ZER1: variants seen among roughly 807,000 people sequenced by gnomAD.
The protein encoded by ZER1 is protein zer-1 homolog.
ZER1 carries 11 observed loss-of-function variants against 78.8 expected under a neutral mutation model. That is an observed-to-expected ratio of 0.14 (90% CI 0.09 to 0.23). ZER1 has a LOEUF of 0.23. Among genes scored for constraint, ZER1 ranks in the 10% least tolerant of loss-of-function variants. The pLI is 1.00. For missense variants in ZER1, 588 were observed against 996.9 expected (o/e 0.59, Z 5.52); for synonymous variants, 400 against 407.0 (o/e 0.98, Z 0.21).
chr9:128,758,829 T>G (rs1444621689), intron 1 of ZER1, among the ~76,000 whole-genome samples: 1 of 152,100 alleles, frequency 6.6e-6, no homozygotes, highest in African/African-American at 2.4e-5. Context: ...GAATCTCATC[T>G]GTGGTGGGAG....
In ZER1 at chr9:128,753,367, G is replaced by A. The variant is rs1863748938; in HGVS notation, c.543C>T (p.Asn181=). ...FEGFSRLRFL[N]LGRMIDWVPV... ...GGACCCAATCAATCATGCGGCCCAA[G>A]TTGAGGAAGCGGAGGCGGCTGAAGC... is the stretch of plus-strand genomic sequence containing the variant. Residue 181 remains asparagine (N), a synonymous_variant, in exon 4 of 16, where the codon AAC becomes AAT. Transcript: ENST00000291900. The surrounding 1 kb of genome is among the most constrained non-coding windows in gnomAD (Gnocchi z 7.5). 3 of 1,613,804 alleles carry A rather than the reference G, an allele frequency of 1.9e-6. No individual in the cohort carries two copies. The highest frequency in any genetic ancestry group is 3.3e-5 in the Admixed American group (2 of 59,972).
At chr9:128,750,905 C>T in intron 7 of ZER1, 116 bp from the exon 8 acceptor site, 2 of 1,483,386 alleles carry the variant, frequency 1.3e-6, no homozygotes, top group South Asian at 2.5e-5. Flanking sequence ...TCTCTAAAGG[C>T]AGAAGTGGGG....
chr9:128,755,309 C>T lies in ZER1; in HGVS notation c.158+99G>A. ...CACACACACACCCTCACACATTCAT[C>T]TCCATAGCTACTCCCCACATAGTGC... On this transcript the variant is annotated intron_variant, in intron 2 of 15. Transcript: ENST00000291900. The surrounding 1 kb of genome is among the most constrained non-coding windows in gnomAD (Gnocchi z 5.6). The T allele has an allele frequency of 6.6e-7, 1 of 1,516,430 alleles. No individual in the cohort carries two copies. Among genetic ancestry groups the T allele is most frequent in the Non-Finnish European group, 9.0e-7 (1 of 1,106,960 alleles). The allele number at this position is 1,516,430 out of a possible 1,614,324, so 93.9% of individuals were successfully genotyped here. A position where few individuals can be genotyped will look rare whatever the true frequency, so the allele number is the denominator to read the frequency against.
intron 13 of ZER1, among the ~76,000 whole-genome samples, chr9:128,736,397 GTT>G (rs753097804): frequency 8.1e-6 from 1 of 122,850 alleles, no homozygotes. Context: ...TTTTTTCTTT[GTT>G]TTTTTTTTTT....
intron 9 of ZER1, among the ~76,000 whole-genome samples, chr9:128,742,187 A>G (rs142180870): frequency 3.9e-5 from 6 of 152,298 alleles, no homozygotes; most frequent in East Asian, 1.9e-4. Flanking sequence ...GATATTTATC[A>G]TCTCCCCACT....
intron 8 of ZER1, among the ~76,000 whole-genome samples, chr9:128,745,046 T>C (rs1189258322): frequency 6.6e-6 from 1 of 152,152 alleles, no homozygotes; most frequent in Non-Finnish European, 1.5e-5. Flanking sequence ...AAGATGTACA[T>C]GTCTTCAACC....
intron 10 of ZER1, 50 bp downstream of exon 10, chr9:128,741,750 C>T: frequency 1.2e-6 from 2 of 1,614,092 alleles, no homozygotes; most frequent in Non-Finnish European, 1.7e-6. Context: ...AGCCCAGGCC[C>T]CTTGCGAGGT....
rs759983491 is a variant in ZER1 at position 128,741,585 on chromosome 9, C to T, written c.1687G>A (p.Glu563Lys). ...ATGCCGTTGAAATTGAGGAACATCT[C>T]GCAGTTGTCAGGAGTTTCATCTGTG... ...NITDETPDNCEMFLNFNGMKL... is the reference protein window; with the variant it reads ...NITDETPDNCKMFLNFNGMKL... The change falls in exon 11 of 16, where the codon GAG becomes AAG. Residue 563 changes from glutamate to lysine, a missense_variant. Glu to Lys is a moderately conservative substitution (Grantham distance 56). This residue lies in a region of ZER1 where 60 missense variants were observed against 163.3 expected (regional missense o/e 0.37). Coordinates refer to ENST00000291900, the MANE Select transcript of ZER1 (RefSeq NM_006336.4). 3.7e-6 allele frequency: 6 copies of T among 1,614,020 alleles called. No individual in the cohort carries two copies. Among genetic ancestry groups the T allele is most frequent in the Admixed American group, 1.7e-5 (1 of 59,992 alleles).
intron 14 of ZER1, 113 bp downstream of exon 14, chr9:128,735,221 G>T: frequency 1.0e-6 from 1 of 975,850 alleles, no homozygotes; most frequent in Non-Finnish European, 1.5e-6. Flanking sequence ...CTGCTCTGAG[G>T]CACAAAAGCT....
Position 128,753,499 on chromosome 9 carries a change from G to T in ZER1, c.411C>A (p.Phe137Leu). The T allele has an allele frequency of 6.2e-7, 1 of 1,614,124 alleles. No homozygotes were observed. The highest frequency in any genetic ancestry group is 8.5e-7 in the Non-Finnish European group (1 of 1,180,022). The change falls in exon 4 of 16, where the codon TTC (phenylalanine) becomes TTA (leucine). Residue 137 changes from phenylalanine to leucine, a missense_variant. Phe to Leu is a conservative substitution (Grantham distance 22, BLOSUM62 0). Coordinates refer to ENST00000291900, the MANE Select transcript of ZER1 (RefSeq NM_006336.4). The surrounding 1 kb of genome is among the most constrained non-coding windows in gnomAD (Gnocchi z 7.5). ...FSHTLVSLSL[F>L]GCTNIFYEEE... ...CCTCATAGAAAATGTTTGTACAGCC[G>T]AAGAGGCTCAAGGACACCAGGGTGT... is the stretch of plus-strand genomic sequence containing the variant.
chr9:128,767,705 C>T (rs1255904556), intron 1 of ZER1, among the ~76,000 whole-genome samples: 1 of 152,204 alleles, frequency 6.6e-6, no homozygotes, highest in Non-Finnish European at 1.5e-5. Context: ...GACCATTTCT[C>T]CAACCTCAGC....
chr9:128,753,754 G>C lies in ZER1; in HGVS notation c.309+55C>G. ...GGGATGGCTGGGCTGGAGGCGAGCA[G>C]CCTGGCCCCTGCTTGGTGTGGGCCC... On this transcript the variant is annotated intron_variant, in intron 3 of 15. Coordinates refer to ENST00000291900, the MANE Select transcript of ZER1 (RefSeq NM_006336.4). This position sits in a 1 kb window ranked among gnomAD's most constrained non-coding sequence, Gnocchi z 7.5. 1 of 1,581,868 alleles carries C rather than the reference G, an allele frequency of 6.3e-7. No homozygotes were observed. The highest frequency in any genetic ancestry group is 8.6e-7 in the Non-Finnish European group (1 of 1,163,064).
chr9:128,742,037 C>A (rs2298042), intron 9 of ZER1, among the ~76,000 whole-genome samples, 196 bp from the exon 10 acceptor site: 1 of 152,210 alleles, frequency 6.6e-6, no homozygotes, highest in African/African-American at 2.4e-5. Flanking sequence ...TTAGCAGGCC[C>A]GGGTGCCGTT....
rs190857804 is a variant in ZER1 at position 128,731,151 on chromosome 9, A to T, written c.*186T>A. The T allele has an allele frequency of 1.4e-3, 337 of 245,662 alleles. No individual in the cohort carries two copies. The highest frequency in any genetic ancestry group is 3.7e-3 in the African/African-American group (161 of 43,832). 15.2% of individuals were successfully genotyped at this position (245,662 alleles called of 1,614,324 possible). Reference sequence around the variant, plus strand: ...CTTCACACTTCCTAACCAAAAAAAAAATATATATATATAATATATATATAT... The same window carrying T: ...CTTCACACTTCCTAACCAAAAAAAATATATATATATATAATATATATATAT... On this transcript the variant is annotated 3_prime_UTR_variant, in exon 16 of 16. Transcript: ENST00000291900.
chr9:128,752,662 TG>T lies in ZER1; in HGVS notation c.923+10del, dbSNP rs1863718061. The stretch of plus-strand genomic sequence containing the variant: ...ACACCCTACCAGTAGCCATGGAGGC[TG>T]GGGCCCCACCTGGTCTGCCCCGCTT... On this transcript the variant is annotated intron_variant, in intron 5 of 15. Coordinates refer to ENST00000291900, the MANE Select transcript of ZER1 (RefSeq NM_006336.4). 1 of 1,606,902 alleles carries T rather than the reference TG, an allele frequency of 6.2e-7. No homozygotes were observed. Among genetic ancestry groups the T allele is most frequent in the African/African-American group, 1.3e-5 (1 of 74,844 alleles).
chr9:128,759,049 T>G (rs546754305), intron 1 of ZER1, among the ~76,000 whole-genome samples: 11 of 151,414 alleles, frequency 7.3e-5, no homozygotes, highest in African/African-American at 2.7e-4. Flanking sequence ...CAGGCTGGAG[T>G]GCAGTGGCGC....
At chr9:128,766,347 CAA>C (rs1190668112) in intron 1 of ZER1, among the ~76,000 whole-genome samples, 13 of 53,404 alleles carry the variant, frequency 2.4e-4, no homozygotes, top group Admixed American at 6.2e-4. Context: ...GATTCCATCT[CAA>C]AAAAAAAAAA....
At chr9:128,748,897 G>T (rs1189117117) in intron 8 of ZER1, among the ~76,000 whole-genome samples, 3 of 148,746 alleles carry the variant, frequency 2.0e-5, no homozygotes, top group African/African-American at 4.9e-5. Context: ...TAGTAGAGAT[G>T]GGGTTTCGCC....
At position 128,741,897 on chromosome 9, in the gene ZER1, C is replaced by G. The variant is rs535699308; in HGVS notation, c.1576-56G>C. The G allele has an allele frequency of 5.4e-4, 878 of 1,612,734 alleles. 12 individuals are homozygous for G. The South Asian group carries it at 8.7e-3, about 16-fold the overall frequency. On this transcript the variant is annotated intron_variant, in intron 9 of 15. Transcript: ENST00000291900. ...GCTGGGGCTGAAGAACTCCCACCCC[C>G]ACGAACCCAAGATGGAGGGGAGGCT... is the stretch of plus-strand genomic sequence containing the variant.
Sources: gnomAD v4.1 joint callset for allele counts (sites outside exome capture counted in the v4.1 genomes callset) on GRCh38, gnomAD v4.1.1 for gene constraint, gnomAD v4.1.1 regional missense constraint, Gnocchi (gnomAD v3.1) non-coding constraint, MANE v1.5 for transcripts, NCBI Gene and HGNC (gene_info 2026-07-23, HGNC 2026-07-21) for gene names.